The following TRPV2 variants were observed in gnomAD, a reference collection of about 807,000 sequenced individuals.
TRPV2 encodes transient receptor potential cation channel subfamily V member 2.
A neutral mutation model predicts 91.0 loss-of-function variants in TRPV2; 58 were observed. The ratio of observed to expected loss-of-function variants is 0.64; its 90% CI spans 0.52 to 0.79. The LOEUF (loss-of-function observed/expected upper bound fraction) is 0.79, where lower values mean the gene tolerates loss of function less well. Ranked by LOEUF, TRPV2 falls within the 30% of genes least tolerant of loss-of-function variation. TRPV2 has a pLI of 0.00. For missense variants in TRPV2, 807 were observed against 969.6 expected (o/e 0.83, Z 2.23); for synonymous variants, 417 against 414.8 (o/e 1.01, Z -0.06).
intron 2 of TRPV2, chr17:16,419,364 G>C (rs764376633): frequency 1.3e-5 from 6 of 470,938 alleles, no homozygotes; most frequent in Non-Finnish European, 2.6e-5. Flanking sequence ...TGCCTTCTTG[G>C]TGGTGTCTGA....
intron 13 of TRPV2, 156 bp from the exon 14 acceptor site, chr17:16,434,734 G>A: frequency 1.6e-6 from 1 of 638,868 alleles, no homozygotes; most frequent in Non-Finnish European, 2.7e-6. Context: ...GGGTGGCCCA[G>A]AACCCTGCAG....
chr17:16,432,404 G>C, intron 12 of TRPV2, 104 bp downstream of exon 12: 1 of 1,018,958 alleles, frequency 9.8e-7, no homozygotes, highest in East Asian at 2.6e-5. Flanking sequence ...GGAGATGCCG[G>C]GTTGGGCAGC....
chr17:16,423,319 AGCAGGTTG>A (rs1223781215), intron 4 of TRPV2, 142 bp from the exon 5 acceptor site: 10 of 860,852 alleles, frequency 1.2e-5, no homozygotes, highest in African/African-American at 1.7e-5. Context: ...AGCAAAAGGC[AGCAGGTTG>A]GCTGGCCCCT....
intron 13 of TRPV2, among the ~76,000 whole-genome samples, chr17:16,434,467 CAAAAAAAAAA>C (rs10634588): frequency 9.1e-6 from 1 of 109,764 alleles, no homozygotes; most frequent in African/African-American, 3.7e-5. Flanking sequence ...GACTCCATCT[CAAAAAAAAAA>C]AAAAAAAGAA....
rs764225792 is a variant in TRPV2 at position 16,434,977 on chromosome 17, G to C, written c.2194+8G>C. 1.2e-5 allele frequency: 19 copies of C among 1,607,200 alleles called. No homozygotes were observed. In the East Asian group the frequency reaches 2.3e-4, roughly 19 times the overall value. On this transcript the variant is annotated splice_region_variant and intron_variant, in intron 14 of 14. Transcript: ENST00000338560. ...CAGGGGCAGGTGTCCCTCGTGAGTA[G>C]CCTGGTGACTAGAGCCTCTGCCCTG...
At chr17:16,434,241 GGCAA>G (rs2093425552) in intron 13 of TRPV2, among the ~76,000 whole-genome samples, 1 of 152,114 alleles carries the variant, frequency 6.6e-6, no homozygotes, top group African/African-American at 2.4e-5. Context: ...GGCCGAGGCG[GGCAA>G]ATCACGAGGT....
rs533858297 is a variant in TRPV2 at position 16,432,084 on chromosome 17, G to T, written c.1773G>T (p.Arg591Ser). 5 of 1,614,206 alleles carry T rather than the reference G, an allele frequency of 3.1e-6. No homozygotes were observed. Among genetic ancestry groups the T allele is most frequent in the Admixed American group, 3.3e-5 (2 of 60,026 alleles). ...ACGAGGGCAACGGGGCCCAGTACAG[G>T]GGTATCCTGGAAGCCTCCTTGGAGC... ...QEDEGNGAQY[R>S]GILEASLELF... The change falls in exon 12 of 15, where the codon AGG (arginine) becomes AGT (serine). Residue 591 changes from arginine (R) to serine (S), a missense_variant. Transcript: ENST00000338560.
intron 3 of TRPV2, among the ~76,000 whole-genome samples, chr17:16,421,363 C>G (rs150340998): frequency 6.6e-6 from 1 of 151,798 alleles, no homozygotes; most frequent in Non-Finnish European, 1.5e-5. Flanking sequence ...ATTACAGGCA[C>G]CAGCCACCAC....
chr17:16,433,758 C>T, intron 13 of TRPV2, 60 bp downstream of exon 13: 2 of 1,593,050 alleles, frequency 1.3e-6, no homozygotes, highest in Non-Finnish European at 1.7e-6. Context: ...CCTGGGGCCC[C>T]CCTGCAGTGC....
intron 12 of TRPV2, among the ~76,000 whole-genome samples, chr17:16,432,969 C>T (rs111277854): frequency 0.057 from 8,706 of 152,204 alleles, 308 homozygotes; most frequent in South Asian, 0.19. Context: ...CCACACCCCA[C>T]TAATTTTTTG....
intron 5 of TRPV2, among the ~76,000 whole-genome samples, chr17:16,425,165 C>T (rs1366130029): frequency 2.0e-5 from 3 of 151,844 alleles, no homozygotes; most frequent in East Asian, 1.9e-4. Context: ...GCTGGGATTA[C>T]AGGCATGTGC....
Position 16,434,955 on chromosome 17 carries a change from G to A in TRPV2, c.2180G>A (p.Gly727Glu), listed in dbSNP as rs2093429277. ...TLPTLCEDPS[G>E]AGVPRTLENP... ...CCTACGCTGTGTGAGGACCCGTCAG[G>A]GGCAGGTGTCCCTCGTGAGTAGCCT... Residue 727 changes from glycine to glutamate, a missense_variant, in exon 14 of 15, where the codon GGG (glycine) becomes GAG (glutamate). Physicochemically the swap from Gly to Glu is moderately conservative, Grantham distance 98. Coordinates refer to ENST00000338560, the MANE Select transcript of TRPV2 (RefSeq NM_016113.5). 2 of 1,610,328 alleles carry A rather than the reference G, an allele frequency of 1.2e-6. No homozygotes were observed. The highest frequency in any genetic ancestry group is 1.7e-6 in the Non-Finnish European group (2 of 1,178,392).
chr17:16,421,155 G>A (rs1334664256), intron 3 of TRPV2, among the ~76,000 whole-genome samples: 2 of 151,734 alleles, frequency 1.3e-5, no homozygotes, highest in Non-Finnish European at 2.9e-5. Context: ...GTAGTTTTTG[G>A]CTTCAACTAG....
chr17:16,423,466 C>A lies in TRPV2; in HGVS notation c.626-3C>A. On this transcript the variant is annotated splice_polypyrimidine_tract_variant and splice_region_variant and intron_variant, in intron 4 of 14. Coordinates refer to ENST00000338560, the MANE Select transcript of TRPV2 (RefSeq NM_016113.5). ...GGGCCCAAGCTGCTCTCTTGGCCTG[C>A]AGGTGAGCTACCCCTCTCTTTGGCC... 1.3e-6 allele frequency: 2 copies of A among 1,595,364 alleles called. No homozygotes were observed. The highest frequency in any genetic ancestry group is 1.7e-6 in the Non-Finnish European group (2 of 1,168,730).
At chr17:16,431,256 C>CAT (rs60066961) in intron 10 of TRPV2, among the ~76,000 whole-genome samples, 5,550 of 67,598 alleles carry the variant, frequency 0.082, 243 homozygotes, top group South Asian at 0.14. Flanking sequence ...TGATCTGAGA[C>CAT]ATATATATAT....
chr17:16,436,915 A>G lies in TRPV2; in HGVS notation c.*26A>G. On this transcript the variant is annotated 3_prime_UTR_variant, in exon 15 of 15. Coordinates refer to ENST00000338560, the MANE Select transcript of TRPV2 (RefSeq NM_016113.5). The stretch of plus-strand genomic sequence containing the variant: ...TGGCCCAGATGCAGCAGGAGGCCAG[A>G]GGACAGAGCAGAGGATCTTTCCAAC... 6.3e-7 allele frequency: 1 copy of G among 1,575,502 alleles called. No homozygotes were observed. The highest frequency in any genetic ancestry group is 1.3e-5 in the African/African-American group (1 of 74,206).
At position 16,422,785 on chromosome 17, in the gene TRPV2, G is replaced by T. The variant is rs1230191367; in HGVS notation, c.521G>T (p.Arg174Met). ...HSALHIAIEK[R>M]SLQCVKLLVE... ...GCTCTGCACATCGCCATTGAGAAGAGGAGTCTGCAGTGTGTGAAGCTCCTG... is the reference window on the plus strand; with the variant it reads ...GCTCTGCACATCGCCATTGAGAAGATGAGTCTGCAGTGTGTGAAGCTCCTG... The change falls in exon 4 of 15, where the codon AGG becomes ATG. Residue 174 changes from arginine to methionine, a missense_variant. Arg to Met is a moderately conservative substitution (Grantham distance 91). Transcript: ENST00000338560. 1.9e-6 allele frequency: 3 copies of T among 1,573,526 alleles called. No homozygotes were observed. The highest frequency in any genetic ancestry group is 1.4e-5 in the African/African-American group (1 of 74,022).
Position 16,423,767 on chromosome 17 carries a change from G to A in TRPV2, c.924G>A (p.Glu308=). 1.3e-6 allele frequency: 2 copies of A among 1,564,634 alleles called. No individual in the cohort carries two copies. ...TGGCCGCCAAGGAGGGCAAGATCGAGGTGAGCGGCTGTCCCCTTCCCACTT... is the reference window on the plus strand; with the variant it reads ...TGGCCGCCAAGGAGGGCAAGATCGAAGTGAGCGGCTGTCCCCTTCCCACTT... ...LKLAAKEGKI[E]IFRHILQREF... Residue 308 remains glutamate (E), a splice_region_variant and synonymous_variant, in exon 5 of 15, where the codon GAG becomes GAA. Coordinates refer to ENST00000338560, the MANE Select transcript of TRPV2 (RefSeq NM_016113.5).
rs766271240 is a variant in TRPV2, at chr17:16,423,643, C to G, written c.800C>G (p.Thr267Ser). The change falls in exon 5 of 15, where the codon ACC becomes AGC. Residue 267 changes from threonine (T) to serine (S), a missense_variant. Physicochemically the swap from Thr to Ser is moderately conservative, Grantham distance 58 (BLOSUM62 1). Transcript: ENST00000338560. ...TCAGCTGAGAACATTGCACTGGTGACCAGCATGTATGATGGGCTCCTCCAA... is the reference window on the plus strand; with the variant it reads ...TCAGCTGAGAACATTGCACTGGTGAGCAGCATGTATGATGGGCTCCTCCAA... ...DNSAENIALVTSMYDGLLQAG... is the reference protein window; with the variant it reads ...DNSAENIALVSSMYDGLLQAG... 6.2e-7 allele frequency: 1 copy of G among 1,614,166 alleles called. No individual in the cohort carries two copies. Among genetic ancestry groups the G allele is most frequent in the Non-Finnish European group, 8.5e-7 (1 of 1,180,036 alleles).
Sources: allele counts gnomAD v4.1 joint callset (sites outside exome capture counted in the v4.1 genomes callset), GRCh38; gene constraint gnomAD v4.1.1; transcripts MANE v1.5; gene names NCBI Gene and HGNC (gene_info 2026-07-23, HGNC 2026-07-21).